Variants in MAP2K6 observed in about 807,000 individuals in gnomAD.
MAP2K6 encodes the protein mitogen-activated protein kinase kinase 6, also known as dual specificity mitogen-activated protein kinase kinase 6.
A neutral mutation model predicts 53.7 loss-of-function variants in MAP2K6; 16 were observed. The ratio of observed to expected loss-of-function variants is 0.30; its 90% CI spans 0.20 to 0.45. The LOEUF (loss-of-function observed/expected upper bound fraction) is 0.45. Ranked by LOEUF, MAP2K6 falls within the 20% of genes least tolerant of loss-of-function variation. The pLI, the probability that MAP2K6 is intolerant of heterozygous loss-of-function variation, is 1.00. For missense variants in MAP2K6, 204 were observed against 411.9 expected (o/e 0.50, Z 4.37); for synonymous variants, 132 against 143.1 (o/e 0.92, Z 0.55).
At chr17:69,468,773 A>G (rs1907894603) in intron 1 of MAP2K6, among the ~76,000 whole-genome samples, 1 of 152,190 alleles carries the variant, frequency 6.6e-6, no homozygotes, top group Non-Finnish European at 1.5e-5. Flanking sequence ...TTATCACTAG[A>G]GAGAGAAACT....
intron 1 of MAP2K6, among the ~76,000 whole-genome samples, chr17:69,447,426 A>G (rs572208783): frequency 6.6e-5 from 10 of 151,724 alleles, no homozygotes; most frequent in African/African-American, 2.4e-4. Context: ...GTTTACTGCA[A>G]CCTCTGCCTC....
intron 1 of MAP2K6, among the ~76,000 whole-genome samples, chr17:69,423,087 G>A (rs1276028688): frequency 6.6e-6 from 1 of 152,118 alleles, no homozygotes; most frequent in Non-Finnish European, 1.5e-5. Flanking sequence ...GTTTCACCAT[G>A]TTGGCCAGGA....
At chr17:69,422,122 T>C (rs1598253242) in intron 1 of MAP2K6, among the ~76,000 whole-genome samples, 1 of 137,432 alleles carries the variant, frequency 7.3e-6, no homozygotes, top group African/African-American at 2.7e-5. Context: ...GAAATCATCG[T>C]AATTTTTTTT....
intron 1 of MAP2K6, chr17:69,477,418 G>A (rs1031010142): frequency 5.3e-5 from 8 of 152,234 alleles, no homozygotes; most frequent in Admixed American, 5.2e-4. Flanking sequence ...CTTTCTTCAG[G>A]TGTCGGAGAA....
rs1409665508 is a variant in MAP2K6, at chr17:69,515,179, CAG to C, written c.84-1673_84-1672del. 1.5e-3 allele frequency among the ~76,000 whole-genome samples: 220 copies of C among 147,390 alleles called. 1 individual carries two copies. Among genetic ancestry groups the C allele is most frequent in the African/African-American group, 5.4e-3 (217 of 39,898 alleles). On this transcript the variant is annotated intron_variant, in intron 2 of 11. Coordinates refer to ENST00000590474, the MANE Select transcript of MAP2K6 (RefSeq NM_002758.4). The stretch of plus-strand genomic sequence containing the variant: ...AATTTGCTTTTTTTTTTTTTTAATA[CAG>C]AGTCTCACTCTGTCACCCAGGCTGG...
intron 1 of MAP2K6, among the ~76,000 whole-genome samples, chr17:69,490,884 G>C (rs1404950685): frequency 6.6e-6 from 1 of 151,724 alleles, no homozygotes; most frequent in Non-Finnish European, 1.5e-5. Flanking sequence ...TCCACCCTCT[G>C]ATAGGCCCCA....
intron 1 of MAP2K6, chr17:69,505,326 C>A: frequency 6.3e-6 from 1 of 157,616 alleles, no homozygotes; most frequent in South Asian, 1.9e-4. Context: ...GCCTGTAATC[C>A]CAGCTCCTCA....
intron 2 of MAP2K6, among the ~76,000 whole-genome samples, chr17:69,506,765 C>T (rs1398351012): frequency 6.6e-6 from 1 of 152,074 alleles, no homozygotes; most frequent in African/African-American, 2.4e-5. Flanking sequence ...CCTTGCATTG[C>T]GTGAAGCAGT....
chr17:69,444,857 A>T (rs1292324611), intron 1 of MAP2K6, among the ~76,000 whole-genome samples: 1 of 152,242 alleles, frequency 6.6e-6, no homozygotes, highest in Non-Finnish European at 1.5e-5. Context: ...TGGCTGTTGC[A>T]TACATGCCAC....
intron 1 of MAP2K6, among the ~76,000 whole-genome samples, chr17:69,448,244 GTTT>G (rs66982276): frequency 7.2e-6 from 1 of 138,862 alleles, no homozygotes; most frequent in African/African-American, 2.6e-5. Flanking sequence ...TTTTGTTTTT[GTTT>G]TTTTTTTTTT....
Position 69,421,045 on chromosome 17 carries a change from C to A in MAP2K6, c.16+6045C>A, listed in dbSNP as rs817541. On this transcript the variant is annotated intron_variant, in intron 1 of 11. Transcript: ENST00000590474. ...GAAAGCCCTTGCTGGGTAACTAAAC[C>A]TTTTCTTATATATCTTTACATCTCT... Among the ~76,000 whole-genome samples the A allele has an allele frequency of 2.8e-3, 429 of 152,056 alleles. 2 individuals carry two copies. The highest frequency in any genetic ancestry group is 9.5e-3 in the African/African-American group (395 of 41,454).
intron 4 of MAP2K6, 128 bp from the exon 5 acceptor site, chr17:69,519,185 G>C: frequency 1.1e-6 from 1 of 939,304 alleles, no homozygotes. Flanking sequence ...AATCACTTTG[G>C]GTGGCTATTC....
At chr17:69,527,251 T>C (rs1910824925) in intron 10 of MAP2K6, among the ~76,000 whole-genome samples, 1 of 152,194 alleles carries the variant, frequency 6.6e-6, no homozygotes, top group Non-Finnish European at 1.5e-5. Context: ...GGTGAGAAGA[T>C]AGTGGGTAGT....
chr17:69,454,870 A>G (rs1270521267), intron 1 of MAP2K6, among the ~76,000 whole-genome samples: 1 of 152,188 alleles, frequency 6.6e-6, no homozygotes, highest in Non-Finnish European at 1.5e-5. Flanking sequence ...GAACATTTTA[A>G]AGGGATCTTA....
intron 1 of MAP2K6, among the ~76,000 whole-genome samples, chr17:69,455,057 G>A (rs1312071180): frequency 6.6e-6 from 1 of 151,316 alleles, no homozygotes; most frequent in South Asian, 2.1e-4. Flanking sequence ...TTTTGGTGGA[G>A]GGGAGGTAAG....
intron 1 of MAP2K6, among the ~76,000 whole-genome samples, chr17:69,421,892 T>A (rs1180548173): frequency 1.3e-5 from 2 of 151,822 alleles, no homozygotes; most frequent in African/African-American, 4.8e-5. Flanking sequence ...AACAGGGAAC[T>A]TCGCAAGGAT....
chr17:69,511,900 A>G (rs1174851667), intron 2 of MAP2K6, among the ~76,000 whole-genome samples: 8 of 152,132 alleles, frequency 5.3e-5, no homozygotes, highest in African/African-American at 1.9e-4. Context: ...AAGCGCTTGA[A>G]CCCAGGAGGG....
chr17:69,497,723 C>G (rs915760442), intron 1 of MAP2K6, among the ~76,000 whole-genome samples: 1 of 152,168 alleles, frequency 6.6e-6, no homozygotes, highest in African/African-American at 2.4e-5. Flanking sequence ...TTTGAATATA[C>G]CACAGTGCTT....
In MAP2K6 at chr17:69,551,868, A is replaced by T. The variant is rs910702726; in HGVS notation, c.*10115A>T. On this transcript the variant is annotated 3_prime_UTR_variant, in exon 12 of 12. Transcript: ENST00000590474. ...AGAGGTGTTAGGAATGTAGTTTCAC[A>T]TTATTTAAATACATGAACAGTTTTC... is the stretch of plus-strand genomic sequence containing the variant. The T allele has an allele frequency of 6.6e-6, 1 of 152,228 alleles. No individual in the cohort carries two copies. The highest frequency in any genetic ancestry group is 1.5e-5 in the Non-Finnish European group (1 of 68,024). The allele number at this position is 152,228 out of a possible 1,614,324, so 9.4% of individuals were successfully genotyped here.
Sources: allele counts gnomAD v4.1 joint callset (sites outside exome capture counted in the v4.1 genomes callset), GRCh38; gene constraint gnomAD v4.1.1; transcripts MANE v1.5; gene names NCBI Gene and HGNC (gene_info 2026-07-23, HGNC 2026-07-21).